The following HPS5 variants were observed in gnomAD, a reference collection of about 807,000 sequenced individuals.
The protein encoded by HPS5 is HPS5 biogenesis of lysosomal organelles complex 2 subunit 2.
In HPS5, 83 loss-of-function variants were observed where a neutral mutation model predicts 128.0. The observed-to-expected ratio is 0.65, with a 90% CI of 0.54 to 0.78. The LOEUF is 0.78. Among genes scored for constraint, HPS5 ranks in the 30% least tolerant of loss-of-function variants. The probability of loss-of-function intolerance (pLI) is 0.00; values close to 1 mark genes in which losing one functional copy is unlikely to be tolerated. For missense variants in HPS5, 1,281 were observed against 1,326.2 expected (o/e 0.97, Z 0.53); for synonymous variants, 475 against 470.2 (o/e 1.01, Z -0.13).
intron 9 of HPS5, among the ~76,000 whole-genome samples, chr11:18,299,284 A>G (rs1279740449): frequency 6.6e-5 from 10 of 152,240 alleles, no homozygotes; most frequent in Admixed American, 5.9e-4. Flanking sequence ...GCCAGACTAT[A>G]AGGTTCGAGT....
chr11:18,310,466 C>T (rs372573041), intron 5 of HPS5, among the ~76,000 whole-genome samples: 6 of 152,120 alleles, frequency 3.9e-5, no homozygotes, highest in African/African-American at 1.4e-4. Flanking sequence ...CTAAAGAATG[C>T]TTTAAATGAG....
At chr11:18,280,067 C>CTTTT in intron 22 of HPS5, 125 bp from the exon 23 acceptor site, 1 of 921,980 alleles carries the variant, frequency 1.1e-6, no homozygotes, top group Non-Finnish European at 1.7e-6. Flanking sequence ...TTAAAAGACA[C>CTTTT]AATGCACAGA....
chr11:18,307,235 C>T (rs1234942271), intron 6 of HPS5, among the ~76,000 whole-genome samples: 1 of 152,210 alleles, frequency 6.6e-6, no homozygotes, highest in Non-Finnish European at 1.5e-5. Context: ...GTTCCATAAA[C>T]TCAATCTCTT....
intron 20 of HPS5, among the ~76,000 whole-genome samples, chr11:18,284,730 G>C (rs1456971128): frequency 1.3e-5 from 2 of 152,298 alleles, no homozygotes; most frequent in African/African-American, 2.4e-5. Context: ...TGAGGGAAAA[G>C]AAAGACACAA....
At chr11:18,282,626 C>A (rs1859149772) in intron 21 of HPS5, among the ~76,000 whole-genome samples, 1 of 151,966 alleles carries the variant, frequency 6.6e-6, no homozygotes, top group Non-Finnish European at 1.5e-5. Flanking sequence ...ATGCTAAGCA[C>A]TGGATATGTA....
intron 16 of HPS5, 106 bp from the exon 17 acceptor site, chr11:18,288,119 G>A (rs973276457): frequency 8.3e-7 from 1 of 1,202,116 alleles, no homozygotes; most frequent in Non-Finnish European, 1.2e-6. Flanking sequence ...CTACTGTGTG[G>A]ACCTATTATG....
At chr11:18,311,508 A>ATTTTTTTTTTTTT in intron 3 of HPS5, 57 bp from the exon 4 acceptor site, 3 of 779,142 alleles carry the variant, frequency 3.9e-6, no homozygotes, top group East Asian at 3.5e-5. Context: ...TATTATTATT[A>ATTTTTTTTTTTTT]TTATTTTTTT....
intron 16 of HPS5, among the ~76,000 whole-genome samples, chr11:18,288,749 T>TGTGC (rs1447198516): frequency 1.3e-5 from 2 of 151,744 alleles, no homozygotes; most frequent in Non-Finnish European, 2.9e-5. Context: ...TGTGTGTGTG[T>TGTGC]GTGTGTGTGC....
intron 1 of HPS5, among the ~76,000 whole-genome samples, chr11:18,320,604 G>C (rs1305953255): frequency 6.6e-6 from 1 of 152,198 alleles, no homozygotes; most frequent in Admixed American, 6.5e-5. Flanking sequence ...TATTTGAAAA[G>C]CATTATCAGG....
intron 19 of HPS5, 149 bp from the exon 20 acceptor site, chr11:18,285,608 T>C (rs569370527): frequency 4.7e-6 from 3 of 633,888 alleles, no homozygotes; most frequent in East Asian, 5.5e-5. Context: ...AACTTAAAAA[T>C]AGCTATTTTT....
Position 18,291,435 on chromosome 11 carries a change from G to C in HPS5, c.2440+7C>G, listed in dbSNP as rs201145509. ...TTCTATCTTTGATAAGGCAATCTGA[G>C]TATTACCTTTCAATCCTTCAATAAA... On this transcript the variant is annotated splice_region_variant and intron_variant, in intron 16 of 22. Coordinates refer to ENST00000349215, the MANE Select transcript of HPS5 (RefSeq NM_181507.2). The C allele has an allele frequency of 3.9e-6, 6 of 1,526,510 alleles. No individual in the cohort carries two copies. The highest frequency in any genetic ancestry group is 4.5e-6 in the Non-Finnish European group (5 of 1,100,812). 94.6% of individuals were successfully genotyped at this position (1,526,510 alleles called of 1,614,324 possible).
At chr11:18,284,658 T>C (rs1332471227) in intron 20 of HPS5, among the ~76,000 whole-genome samples, 4 of 152,174 alleles carry the variant, frequency 2.6e-5, no homozygotes, top group African/African-American at 9.7e-5. Flanking sequence ...GACTCAGCCC[T>C]CATTACAATG....
At chr11:18,294,968 A>G in intron 14 of HPS5, 52 bp downstream of exon 14, 1 of 1,607,148 alleles carries the variant, frequency 6.2e-7, no homozygotes, top group Admixed American at 1.7e-5. Context: ...CTTTCTTAAA[A>G]CTGACAGCTG....
chr11:18,306,112 C>T (rs991935698), intron 7 of HPS5, 23 bp downstream of exon 7: 1 of 1,501,742 alleles, frequency 6.7e-7, no homozygotes. Context: ...CAAACAATCC[C>T]AACCAGCCAT....
In HPS5 at chr11:18,311,889, A is replaced by T. The variant is rs78237997; in HGVS notation, c.219+25T>A. On this transcript the variant is annotated intron_variant, in intron 3 of 22. Transcript: ENST00000349215. Reference sequence around the variant, plus strand: ...TTATGAAAGAGACTCCAAATGGTGTATGACAGAGCTGCCCTTAATCTTACC... The same window carrying T: ...TTATGAAAGAGACTCCAAATGGTGTTTGACAGAGCTGCCCTTAATCTTACC... 0.041 allele frequency: 57,096 copies of T among 1,384,176 alleles called. 2,833 individuals carry two copies. The highest frequency in any genetic ancestry group is 0.24 in the East Asian group (10,643 of 43,810). 85.7% of individuals were successfully genotyped at this position (1,384,176 alleles called of 1,614,324 possible).
Position 18,282,217 on chromosome 11 carries a change from C to T in HPS5, c.3062G>A (p.Trp1021Ter). 2 of 1,614,042 alleles carry T rather than the reference C, an allele frequency of 1.2e-6. No homozygotes were observed. Among genetic ancestry groups the T allele is most frequent in the Non-Finnish European group, 1.7e-6 (2 of 1,180,026 alleles). ...DMSLMEGDNG[W>*]IPETVEEWKL... Reference sequence around the variant, plus strand: ...CCATTCCTCCACGGTCTCTGGGATCCAACCTAAACACACACAGGGAAGTGT... The same window carrying T: ...CCATTCCTCCACGGTCTCTGGGATCTAACCTAAACACACACAGGGAAGTGT... Residue 1021 changes from tryptophan to a stop codon, truncating the protein, a stop_gained, in exon 22 of 23, where the codon TGG becomes TAG. Transcript: ENST00000349215. LOFTEE classifies it high-confidence loss of function.
chr11:18,320,192 T>G lies in HPS5; in HGVS notation c.-50+1754A>C, dbSNP rs575171432. Among the ~76,000 whole-genome samples the G allele has an allele frequency of 2.0e-4, 30 of 152,296 alleles. No individual in the cohort carries two copies. The South Asian group carries it at 6.0e-3, about 30-fold the overall frequency. On this transcript the variant is annotated intron_variant, in intron 1 of 22. Transcript: ENST00000349215. The stretch of plus-strand genomic sequence containing the variant: ...TCAGAGAAGCTGCTGAATGACAGTG[T>G]TAAACCAACTTCAACTTTATACTTT...
chr11:18,288,616 C>T (rs1160428916), intron 16 of HPS5, among the ~76,000 whole-genome samples: 2 of 151,740 alleles, frequency 1.3e-5, no homozygotes, highest in African/African-American at 2.4e-5. Flanking sequence ...AAGTATGAAT[C>T]TAAAGTAAAG....
At chr11:18,294,687 G>C in intron 14 of HPS5, among the ~76,000 whole-genome samples, 1 of 152,278 alleles carries the variant, frequency 6.6e-6, no homozygotes, top group East Asian at 1.9e-4. Context: ...AATCTTCAAT[G>C]AATGCAGACA....
Sources: gnomAD v4.1 joint callset for allele counts (sites outside exome capture counted in the v4.1 genomes callset) on GRCh38, gnomAD v4.1.1 for gene constraint, MANE v1.5 for transcripts, NCBI Gene and HGNC (gene_info 2026-07-23, HGNC 2026-07-21) for gene names.